The following HTR2C variants were observed in gnomAD, a reference collection of about 807,000 sequenced individuals.
HTR2C encodes the protein 5-hydroxytryptamine (serotonin) receptor 2C, G protein-coupled.
Under a neutral mutation model 21.0 loss-of-function variants are expected in HTR2C, and 5 were observed. The ratio of observed to expected loss-of-function variants is 0.24; its 90% CI spans 0.12 to 0.50. The LOEUF is 0.50. Among genes scored for constraint, HTR2C ranks in the 20% least tolerant of loss-of-function variants. The pLI is 0.98. For missense variants in HTR2C, 271 were observed against 371.2 expected, an observed-to-expected ratio of 0.73 and a Z score of 2.22; for synonymous variants, 150 against 145.3, an observed-to-expected ratio of 1.03 and a Z score of -0.23.
chrX:114,906,932 C>T lies in HTR2C; in HGVS notation c.894C>T (p.Gly298=), dbSNP rs2071379664. 8.3e-7 allele frequency: 1 copy of T among 1,210,575 alleles called. No individual in the cohort carries two copies. The highest frequency in any genetic ancestry group is 1.1e-6 in the Non-Finnish European group (1 of 894,572). Residue 298 remains glycine (G), a synonymous_variant, in exon 6 of 6, where the codon GGC becomes GGT. Transcript: ENST00000276198. ...RRKKKERRPR[G]TMQAINNERK... Reference sequence around the variant, plus strand: ...AGAAGAAGGAGAGACGTCCTAGGGGCACCATGCAGGCTATCAACAATGAAA... The same window carrying T: ...AGAAGAAGGAGAGACGTCCTAGGGGTACCATGCAGGCTATCAACAATGAAA...
At chrX:114,860,131 G>A in intron 5 of HTR2C, among the ~76,000 whole-genome samples, 1 of 111,483 alleles carries the variant, frequency 9.0e-6, no homozygotes, top group Middle Eastern at 4.6e-3. Context: ...TATATATTAT[G>A]ATGTTGATAG....
intron 2 of HTR2C, among the ~76,000 whole-genome samples, chrX:114,704,403 A>T (rs1327252519): frequency 8.9e-6 from 1 of 111,812 alleles, no homozygotes; most frequent in Non-Finnish European, 1.9e-5. Flanking sequence ...GGCTGGTTCA[A>T]TATACACAAA....
chrX:114,772,648 G>T (rs1246854576), intron 4 of HTR2C, among the ~76,000 whole-genome samples: 1 of 111,207 alleles, frequency 9.0e-6, no homozygotes. Context: ...TTCATGTCTT[G>T]TCCAACAAAG....
At chrX:114,640,170 T>A (rs1930040172) in intron 2 of HTR2C, among the ~76,000 whole-genome samples, 1 of 111,964 alleles carries the variant, frequency 8.9e-6, no homozygotes, top group African/African-American at 3.2e-5. Flanking sequence ...TTAATGATAA[T>A]CATTTTAGCA....
At chrX:114,723,138 C>A (rs1391882415) in intron 2 of HTR2C, among the ~76,000 whole-genome samples, 1 of 111,300 alleles carries the variant, frequency 9.0e-6, no homozygotes, top group Admixed American at 9.5e-5. Flanking sequence ...GTGAATCCAT[C>A]TGGTCCTGGA....
chrX:114,816,505 A>G (rs2070586978), intron 4 of HTR2C, among the ~76,000 whole-genome samples: 1 of 110,769 alleles, frequency 9.0e-6, no homozygotes, highest in African/African-American at 3.3e-5. Flanking sequence ...TGTTCAATAC[A>G]TTATGAAATA....
chrX:114,681,939 C>A (rs373184319), intron 2 of HTR2C, among the ~76,000 whole-genome samples: 9 of 111,019 alleles, frequency 8.1e-5, no homozygotes, highest in African/African-American at 2.6e-4. Context: ...GAAGAAGAAA[C>A]AAATAAAATG....
At chrX:114,691,615 T>C (rs1569484354) in intron 2 of HTR2C, among the ~76,000 whole-genome samples, 1 of 111,899 alleles carries the variant, frequency 8.9e-6, no homozygotes, top group Non-Finnish European at 1.9e-5. Context: ...CTTCATTCAA[T>C]AGATATTTAC....
At chrX:114,680,513 C>CA (rs782442698) in intron 2 of HTR2C, among the ~76,000 whole-genome samples, 1 of 111,632 alleles carries the variant, frequency 9.0e-6, no homozygotes, top group Non-Finnish European at 1.9e-5. Flanking sequence ...TGTGACAAGG[C>CA]AAAAGTTCTA....
chrX:114,814,131 G>A (rs1269210673), intron 4 of HTR2C, among the ~76,000 whole-genome samples: 1 of 109,629 alleles, frequency 9.1e-6, no homozygotes, highest in African/African-American at 3.3e-5. Flanking sequence ...TGTCATTCTA[G>A]GCAAGACAGA....
intron 4 of HTR2C, among the ~76,000 whole-genome samples, chrX:114,833,731 G>A (rs782780893): frequency 9.0e-6 from 1 of 110,702 alleles, no homozygotes; most frequent in African/African-American, 3.3e-5. Flanking sequence ...GTTATCTCTT[G>A]CCTTCTGCTA....
At chrX:114,687,109 T>C (rs1387366932) in intron 2 of HTR2C, among the ~76,000 whole-genome samples, 3 of 111,840 alleles carry the variant, frequency 2.7e-5, no homozygotes, top group Non-Finnish European at 3.8e-5. Flanking sequence ...AAAAGATTAT[T>C]CCTGTCATTT....
intron 4 of HTR2C, among the ~76,000 whole-genome samples, chrX:114,829,473 T>A (rs941563338): frequency 3.2e-5 from 3 of 94,614 alleles, no homozygotes; most frequent in Admixed American, 1.3e-4. Flanking sequence ...GCAGAAAAAA[T>A]TTTTAATTTA....
intron 5 of HTR2C, among the ~76,000 whole-genome samples, chrX:114,882,604 T>A (rs1556480095): frequency 9.0e-6 from 1 of 110,980 alleles, no homozygotes; most frequent in African/African-American, 3.2e-5. Flanking sequence ...TGATCATGTG[T>A]TTTTTACTTC....
At chrX:114,755,913 C>T (rs1283776117) in intron 4 of HTR2C, among the ~76,000 whole-genome samples, 2 of 110,433 alleles carry the variant, frequency 1.8e-5, no homozygotes, top group African/African-American at 6.6e-5. Context: ...AGTTTGAGGA[C>T]AGCCTGGGCA....
At chrX:114,764,127 G>A (rs1432390987) in intron 4 of HTR2C, among the ~76,000 whole-genome samples, 3 of 111,229 alleles carry the variant, frequency 2.7e-5, no homozygotes, top group Admixed American at 9.6e-5. Context: ...GGCTGGGTGC[G>A]GTGGCTCATG....
chrX:114,824,685 A>G (rs782140064), intron 4 of HTR2C, among the ~76,000 whole-genome samples: 5 of 112,052 alleles, frequency 4.5e-5, no homozygotes, highest in Admixed American at 9.5e-5. Context: ...CGAATCTGGG[A>G]TGAGTTTCTA....
At chrX:114,894,260 T>G (rs1048121957) in intron 5 of HTR2C, among the ~76,000 whole-genome samples, 7 of 111,653 alleles carry the variant, frequency 6.3e-5, no homozygotes, top group Admixed American at 5.8e-4. Flanking sequence ...TGAAAATATA[T>G]CAAACGTTTA....
At position 114,787,420 on chromosome X, in the gene HTR2C, T is replaced by C. The variant is rs782526689; in HGVS notation, c.349+55813T>C. Among the ~76,000 whole-genome samples, 4 of 111,467 alleles carry C rather than the reference T, an allele frequency of 3.6e-5. No individual in the cohort carries two copies. In the South Asian group the frequency reaches 1.5e-3, roughly 42 times the overall value. On this transcript the variant is annotated intron_variant, in intron 4 of 5. Transcript: ENST00000276198. ...GAAAAGCAGGTCACGAAAAATTGGG[T>C]TCCAGAAAATATTTATGATTTCACA...
Sources: gnomAD v4.1 joint callset for allele counts (sites outside exome capture counted in the v4.1 genomes callset) on GRCh38, gnomAD v4.1.1 for gene constraint, MANE v1.5 for transcripts, NCBI Gene and HGNC (gene_info 2026-07-23, HGNC 2026-07-21) for gene names.